SLC30A9: variants seen among roughly 807,000 people sequenced by gnomAD.
SLC30A9 encodes the protein solute carrier family 30 member 9.
A neutral mutation model predicts 87.5 loss-of-function variants in SLC30A9; 58 were observed. The observed-to-expected ratio is 0.66, with a 90% confidence interval of 0.54 to 0.82. The LOEUF (loss-of-function observed/expected upper bound fraction) is 0.82, where lower values mean the gene tolerates loss of function less well. SLC30A9 is among the 40% of genes least tolerant of loss of function. The pLI, the probability that SLC30A9 is intolerant of heterozygous loss-of-function variation, is 0.00. For synonymous variants in SLC30A9, 234 were observed against 233.0 expected, an observed-to-expected ratio of 1.00 and a Z score of -0.04; for missense variants, 557 against 679.1, an observed-to-expected ratio of 0.82 and a Z score of 2.00.
At chr4:42,012,899 G>A (rs1276035876) in intron 2 of SLC30A9, among the ~76,000 whole-genome samples, 1 of 152,120 alleles carries the variant, frequency 6.6e-6, no homozygotes, top group Non-Finnish European at 1.5e-5. Flanking sequence ...TGGATAAAAT[G>A]TCCTGGTAAA....
chr4:42,052,599 C>T (rs565599409), intron 9 of SLC30A9, among the ~76,000 whole-genome samples: 1 of 152,314 alleles, frequency 6.6e-6, no homozygotes, highest in Non-Finnish European at 1.5e-5. Context: ...TTACATGGCC[C>T]GTGCCTTTCG....
intron 6 of SLC30A9, among the ~76,000 whole-genome samples, chr4:42,034,783 C>T (rs1445187708): frequency 6.6e-6 from 1 of 152,126 alleles, no homozygotes; most frequent in East Asian, 1.9e-4. Context: ...ATTCTTTGGA[C>T]GTATGTCCAG....
rs571195558 is a variant in SLC30A9, at chr4:42,089,883, A to AT, written c.*3758dup. 9.2e-5 allele frequency: 14 copies of AT among 152,226 alleles called. No individual in the cohort carries two copies. The highest frequency in any genetic ancestry group is 1.3e-4 in the Admixed American group (2 of 15,280). The allele number at this position is 152,226 out of a possible 1,614,324, so 9.4% of individuals were successfully genotyped here. Reference sequence around the variant, plus strand: ...CATACATCCTCCTACACACACACACATAGTGCAAAGTGAATAACAAAATGT... The same window carrying AT: ...CATACATCCTCCTACACACACACACATTAGTGCAAAGTGAATAACAAAATGT... On this transcript the variant is annotated 3_prime_UTR_variant, in exon 18 of 18. Transcript: ENST00000264451.
chr4:42,070,532 C>A lies in SLC30A9; in HGVS notation c.1259C>A (p.Pro420Gln). 6.2e-7 allele frequency: 1 copy of A among 1,608,184 alleles called. No homozygotes were observed. The highest frequency in any genetic ancestry group is 8.5e-7 in the Non-Finnish European group (1 of 1,176,922). ...TTTTATGTGCTTCATTTAGGCAATC[C>A]ACTGTATGACAGCCTAGGTTCTTTG... ...CMGLTSITGN[P>Q]LYDSLGSLGV... The change falls in exon 15 of 18, where the codon CCA becomes CAA. Residue 420 changes from proline to glutamine, a missense_variant. Coordinates refer to ENST00000264451, the MANE Select transcript of SLC30A9 (RefSeq NM_006345.4).
chr4:42,008,622 G>A (rs1180390157), intron 2 of SLC30A9, among the ~76,000 whole-genome samples: 1 of 152,198 alleles, frequency 6.6e-6, no homozygotes, highest in Non-Finnish European at 1.5e-5. Flanking sequence ...ACATGGGTGA[G>A]GGACAGGTAG....
At chr4:42,053,644 C>T (rs1046808295) in intron 9 of SLC30A9, among the ~76,000 whole-genome samples, 6 of 125,912 alleles carry the variant, frequency 4.8e-5, no homozygotes, top group African/African-American at 6.5e-5. Context: ...AGCCAAGATC[C>T]GAGATTGCAC....
rs369508744 is a variant in SLC30A9, at chr4:42,023,320, A to G, written c.546A>G (p.Gly182=). 7.4e-6 allele frequency: 12 copies of G among 1,613,310 alleles called. No individual in the cohort carries two copies. In the African/African-American group the frequency reaches 1.6e-4, roughly 22 times the overall value. ...TGCACAGATCTTTGGAAGTTTGGGG[A>G]AGCCCTGAAGCTCTTGCCAGAGAGA... ...DVEAKSLEVW[G]SPEALAREKK... The change falls in exon 6 of 18, where the codon GGA becomes GGG. Residue 182 remains glycine (G), a synonymous_variant. Coordinates refer to ENST00000264451, the MANE Select transcript of SLC30A9 (RefSeq NM_006345.4).
intron 8 of SLC30A9, among the ~76,000 whole-genome samples, chr4:42,042,605 T>C (rs1716968678): frequency 6.6e-6 from 1 of 152,128 alleles, no homozygotes. Flanking sequence ...CTCTCATCTC[T>C]CTGGGACAGA....
intron 9 of SLC30A9, among the ~76,000 whole-genome samples, chr4:42,058,760 G>A (rs184680360): frequency 2.9e-4 from 44 of 152,268 alleles, no homozygotes; most frequent in African/African-American, 1.0e-3. Flanking sequence ...CTCATAAGAC[G>A]TATTCACTAG....
intron 6 of SLC30A9, among the ~76,000 whole-genome samples, chr4:42,028,411 G>A (rs76571792): frequency 4.6e-5 from 7 of 152,166 alleles, no homozygotes; most frequent in Non-Finnish European, 1.0e-4. Flanking sequence ...GAGCCACTGC[G>A]CCCAGCCACG....
intron 16 of SLC30A9, among the ~76,000 whole-genome samples, chr4:42,076,812 AT>A (rs1391412625): frequency 6.6e-6 from 1 of 152,020 alleles, no homozygotes; most frequent in East Asian, 1.9e-4. Flanking sequence ...AAATACAAAA[AT>A]TAGCTGGGTG....
In SLC30A9 at chr4:42,070,541, A is replaced by T. The variant is rs1161826337; in HGVS notation, c.1268A>T (p.Asp423Val). 1 of 1,612,534 alleles carries T rather than the reference A, an allele frequency of 6.2e-7. No individual in the cohort carries two copies. The highest frequency in any genetic ancestry group is 8.5e-7 in the Non-Finnish European group (1 of 1,179,132). Residue 423 changes from aspartate to valine, a missense_variant, in exon 15 of 18, where the codon GAC becomes GTC. By Grantham distance (152) the Asp-to-Val change is radical. This residue lies in a region of SLC30A9 where 467 missense variants were observed against 529.8 expected (regional missense o/e 0.88). Coordinates refer to ENST00000264451, the MANE Select transcript of SLC30A9 (RefSeq NM_006345.4). The stretch of plus-strand genomic sequence containing the variant: ...CTTCATTTAGGCAATCCACTGTATG[A>T]CAGCCTAGGTTCTTTGGGTGTGGGC... ...LTSITGNPLYDSLGSLGVGTL... is the reference protein window; with the variant it reads ...LTSITGNPLYVSLGSLGVGTL...
intron 14 of SLC30A9, 139 bp from the exon 15 acceptor site, chr4:42,070,384 AGTT>A: frequency 1.7e-6 from 1 of 587,188 alleles, no homozygotes; most frequent in Non-Finnish European, 3.0e-6. Context: ...AACTATTAGG[AGTT>A]GTTAAAGGAA....
chr4:42,029,810 C>G, intron 6 of SLC30A9: 1 of 729,580 alleles, frequency 1.4e-6, no homozygotes, highest in South Asian at 1.4e-5. Context: ...TGGAGACTTA[C>G]CCAGTGATGA....
At chr4:42,064,142 C>A (rs1417354418) in intron 11 of SLC30A9, among the ~76,000 whole-genome samples, 2 of 152,152 alleles carry the variant, frequency 1.3e-5, no homozygotes, top group Non-Finnish European at 2.9e-5. Flanking sequence ...GGCTACTGAA[C>A]AATCTTAGTA....
At chr4:42,042,337 G>T (rs1716955553) in intron 8 of SLC30A9, among the ~76,000 whole-genome samples, 1 of 152,184 alleles carries the variant, frequency 6.6e-6, no homozygotes, top group Non-Finnish European at 1.5e-5. Context: ...CAGCACAGCT[G>T]TCTGAAGTTG....
intron 6 of SLC30A9, among the ~76,000 whole-genome samples, chr4:42,031,904 C>T (rs1473822543): frequency 1.3e-5 from 2 of 152,118 alleles, no homozygotes; most frequent in South Asian, 2.1e-4. Context: ...AGTCAGTTCT[C>T]GTATTGCTAT....
intron 8 of SLC30A9, among the ~76,000 whole-genome samples, chr4:42,045,285 A>T (rs1717100188): frequency 6.6e-6 from 1 of 152,184 alleles, no homozygotes; most frequent in Non-Finnish European, 1.5e-5. Flanking sequence ...TGGTTTTTTT[A>T]AAAGATTCAC....
intron 6 of SLC30A9, among the ~76,000 whole-genome samples, chr4:42,034,730 A>G (rs1017277630): frequency 1.3e-5 from 2 of 152,228 alleles, no homozygotes; most frequent in African/African-American, 4.8e-5. Flanking sequence ...TACTGCTGCT[A>G]TGAACATGGG....
Sources: gnomAD v4.1 joint callset for allele counts (sites outside exome capture counted in the v4.1 genomes callset) on GRCh38, gnomAD v4.1.1 for gene constraint, gnomAD v4.1.1 regional missense constraint, MANE v1.5 for transcripts, NCBI Gene and HGNC (gene_info 2026-07-23, HGNC 2026-07-21) for gene names.